ARHGAP6: variants seen among roughly 807,000 people sequenced by gnomAD.
ARHGAP6 encodes rho GTPase-activating protein 6.
Under a neutral mutation model 55.7 loss-of-function variants are expected in ARHGAP6, and 16 were observed. The observed-to-expected ratio is 0.29, with a 90% CI of 0.19 to 0.44. The LOEUF is 0.44. Ranked by LOEUF, ARHGAP6 falls within the 20% of genes least tolerant of loss-of-function variation. The pLI, the probability that ARHGAP6 is intolerant of heterozygous loss-of-function variation, is 1.00. For missense variants in ARHGAP6, 698 were observed against 808.9 expected (o/e 0.86, Z 1.66); for synonymous variants, 382 against 360.9 (o/e 1.06, Z -0.66).
At chrX:11,285,294 G>A (rs2047908354) in intron 1 of ARHGAP6, among the ~76,000 whole-genome samples, 1 of 110,183 alleles carries the variant, frequency 9.1e-6, no homozygotes, top group African/African-American at 3.3e-5. Flanking sequence ...GGTTAAAGGG[G>A]AAAATCTTAA....
At chrX:11,337,750 A>G (rs961379399) in intron 1 of ARHGAP6, among the ~76,000 whole-genome samples, 11 of 112,745 alleles carry the variant, frequency 9.8e-5, no homozygotes, top group African/African-American at 3.5e-4. Context: ...AACCAAGTCA[A>G]CAGATGTTGT....
intron 8 of ARHGAP6, among the ~76,000 whole-genome samples, chrX:11,175,974 T>A (rs1347425669): frequency 9.3e-6 from 1 of 107,129 alleles, no homozygotes; most frequent in Non-Finnish European, 1.9e-5. Flanking sequence ...TTAACCAGTA[T>A]AACGACATTG....
intron 1 of ARHGAP6, among the ~76,000 whole-genome samples, chrX:11,506,755 AGTAATGGGAT>A (rs1440310762): frequency 8.1e-5 from 9 of 111,715 alleles, no homozygotes; most frequent in Non-Finnish European, 1.7e-4. Context: ...GTATATACCC[AGTAATGGGAT>A]GGCTGGGTCA....
At chrX:11,622,982 T>C (rs959716023) in intron 1 of ARHGAP6, among the ~76,000 whole-genome samples, 1 of 111,767 alleles carries the variant, frequency 8.9e-6, no homozygotes, top group African/African-American at 3.2e-5. Context: ...GCTGATAAAA[T>C]TGCAAAAGAT....
chrX:11,644,943 T>C (rs2052511621), intron 1 of ARHGAP6, among the ~76,000 whole-genome samples: 1 of 112,001 alleles, frequency 8.9e-6, no homozygotes, highest in South Asian at 3.7e-4. Flanking sequence ...CCAAATTTAC[T>C]TTGACGGGTG....
chrX:11,596,698 G>A (rs1280579868), intron 1 of ARHGAP6, among the ~76,000 whole-genome samples: 2 of 111,384 alleles, frequency 1.8e-5, no homozygotes, highest in East Asian at 5.6e-4. Flanking sequence ...CTGGCCCCCA[G>A]GCTTGGAATT....
At chrX:11,401,401 C>A (rs1407529635) in intron 1 of ARHGAP6, among the ~76,000 whole-genome samples, 1 of 111,598 alleles carries the variant, frequency 9.0e-6, no homozygotes, top group African/African-American at 3.3e-5. Context: ...AATATCAAGA[C>A]CATGTTTCTT....
intron 1 of ARHGAP6, among the ~76,000 whole-genome samples, chrX:11,358,431 A>ATCTCTT (rs1421816647): frequency 2.6e-4 from 19 of 72,500 alleles, no homozygotes; most frequent in African/African-American, 8.8e-4. Flanking sequence ...TTTTAACTGT[A>ATCTCTT]TCTTTCTTTC....
At chrX:11,534,103 T>C (rs2051078516) in intron 1 of ARHGAP6, among the ~76,000 whole-genome samples, 1 of 111,305 alleles carries the variant, frequency 9.0e-6, no homozygotes, top group South Asian at 3.9e-4. Flanking sequence ...CTCAAGAGAC[T>C]TGAAGTAGTT....
At chrX:11,622,985 C>G (rs542404744) in intron 1 of ARHGAP6, among the ~76,000 whole-genome samples, 2 of 111,160 alleles carry the variant, frequency 1.8e-5, no homozygotes, top group Non-Finnish European at 3.8e-5. Context: ...GATAAAATTG[C>G]AAAAGATGAG....
At chrX:11,614,951 A>G (rs1184859672) in intron 1 of ARHGAP6, among the ~76,000 whole-genome samples, 3 of 110,249 alleles carry the variant, frequency 2.7e-5, no homozygotes, top group Non-Finnish European at 5.7e-5. Context: ...GAAAAAAAAA[A>G]GGTGGAGACA....
At chrX:11,627,457 C>T (rs1403124872) in intron 1 of ARHGAP6, among the ~76,000 whole-genome samples, 1 of 111,904 alleles carries the variant, frequency 8.9e-6, no homozygotes, top group Non-Finnish European at 1.9e-5. Context: ...ATAATTAGAA[C>T]TATGCTGAGT....
chrX:11,628,302 C>T (rs767389362), intron 1 of ARHGAP6, among the ~76,000 whole-genome samples: 2 of 111,666 alleles, frequency 1.8e-5, no homozygotes, highest in Admixed American at 9.4e-5. Context: ...AGTGATTTCA[C>T]AGACAATTAT....
chrX:11,497,416 G>A (rs2050633250), intron 1 of ARHGAP6, among the ~76,000 whole-genome samples: 1 of 110,789 alleles, frequency 9.0e-6, no homozygotes, highest in Non-Finnish European at 1.9e-5. Context: ...CCAATGTAAT[G>A]GAATGTGAAG....
rs778999448 is a variant in ARHGAP6 at position 11,230,646 on chromosome X, TGTGTGTATATAC to T, written c.748+23890_748+23901del. On this transcript the variant is annotated intron_variant, in intron 2 of 12. Coordinates refer to ENST00000337414, the MANE Select transcript of ARHGAP6 (RefSeq NM_013427.3). ...GTGTGTGTGTGTGTGTGTGTATAAA[TGTGTGTATATAC>T]GTATATATGTGTGTGTGTGTATGTA... Among the ~76,000 whole-genome samples, 38 of 108,922 alleles carry T rather than the reference TGTGTGTATATAC, an allele frequency of 3.5e-4. 1 individual carries two copies. In the East Asian group the frequency reaches 3.8e-3, roughly 11 times the overall value. 94.6% of individuals were successfully genotyped at this position (108,922 alleles called of 115,157 possible).
At chrX:11,204,527 C>T (rs968444047) in intron 2 of ARHGAP6, among the ~76,000 whole-genome samples, 1 of 111,807 alleles carries the variant, frequency 8.9e-6, no homozygotes, top group Non-Finnish European at 1.9e-5. Flanking sequence ...TAATGACACC[C>T]AGTGTTTTGA....
chrX:11,546,176 T>C (rs1266925804), intron 1 of ARHGAP6, among the ~76,000 whole-genome samples: 1 of 110,574 alleles, frequency 9.0e-6, no homozygotes, highest in African/African-American at 3.3e-5. Context: ...CAAATAAATA[T>C]ATATTTGCCT....
At chrX:11,265,608 G>T in intron 1 of ARHGAP6, 1 of 703,223 alleles carries the variant, frequency 1.4e-6, no homozygotes, top group Non-Finnish European at 1.7e-6. Context: ...TCACAAGATG[G>T]ATGTGAAAGA....
chrX:11,622,123 A>G (rs770636047), intron 1 of ARHGAP6, among the ~76,000 whole-genome samples: 88 of 112,356 alleles, frequency 7.8e-4, no homozygotes, highest in African/African-American at 2.8e-3. Context: ...CATTAAAAGA[A>G]CTATGAAAGG....
Sources: allele counts gnomAD v4.1 joint callset (sites outside exome capture counted in the v4.1 genomes callset), GRCh38; gene constraint gnomAD v4.1.1; transcripts MANE v1.5; gene names NCBI Gene and HGNC (gene_info 2026-07-23, HGNC 2026-07-21).